ARHGAP24: variants seen among roughly 807,000 people sequenced by gnomAD.
The protein encoded by ARHGAP24 is Rho GTPase activating protein 24.
ARHGAP24 carries 50 observed loss-of-function variants against 76.4 expected under a neutral mutation model. The ratio of observed to expected loss-of-function variants is 0.65; its 90% confidence interval spans 0.52 to 0.83. ARHGAP24 has a LOEUF of 0.83. ARHGAP24 is among the 40% of genes least tolerant of loss of function. The pLI is 0.00. For missense variants in ARHGAP24, 930 were observed against 914.2 expected, an observed-to-expected ratio of 1.02 and a Z score of -0.22; for synonymous variants, 345 against 323.3, an observed-to-expected ratio of 1.07 and a Z score of -0.72.
intron 3 of ARHGAP24, among the ~76,000 whole-genome samples, chr4:85,814,886 G>C (rs1729170140): frequency 6.6e-6 from 1 of 152,166 alleles, no homozygotes; most frequent in Non-Finnish European, 1.5e-5. Context: ...CCCGACCCCT[G>C]CAACAACCTT....
chr4:85,972,309 A>T, intron 6 of ARHGAP24, 141 bp downstream of exon 6: 1 of 1,080,506 alleles, frequency 9.3e-7, no homozygotes, highest in Non-Finnish European at 1.4e-6. Context: ...ACACACTGAG[A>T]CTTTCCGTAT....
At chr4:85,716,827 G>C (rs755123214) in intron 2 of ARHGAP24, among the ~76,000 whole-genome samples, 14 of 152,100 alleles carry the variant, frequency 9.2e-5, no homozygotes, top group Admixed American at 5.2e-4. Context: ...ACTGGAATTT[G>C]GGGAAGCCGG....
intron 2 of ARHGAP24, among the ~76,000 whole-genome samples, chr4:85,610,350 G>A (rs768329834): frequency 3.3e-5 from 5 of 150,376 alleles, no homozygotes; most frequent in African/African-American, 7.4e-5. Flanking sequence ...AGGCTGAGGC[G>A]GGAGAATGGC....
intron 3 of ARHGAP24, among the ~76,000 whole-genome samples, chr4:85,743,984 T>C (rs1302853442): frequency 6.6e-6 from 1 of 152,218 alleles, no homozygotes; most frequent in African/African-American, 2.4e-5. Context: ...TTGCCTATGG[T>C]TGCCACCAAG....
intron 3 of ARHGAP24, among the ~76,000 whole-genome samples, chr4:85,894,960 CAAAAAA>C (rs540459367): frequency 5.7e-5 from 2 of 35,360 alleles, no homozygotes; most frequent in African/African-American, 1.6e-4. Context: ...GACTCCCTCT[CAAAAAA>C]AAAAAAAAAA....
intron 5 of ARHGAP24, among the ~76,000 whole-genome samples, chr4:85,953,764 G>A (rs910788422): frequency 1.3e-5 from 2 of 152,126 alleles, no homozygotes; most frequent in Non-Finnish European, 2.9e-5. Flanking sequence ...GGCAGAGGGA[G>A]ACTCATAGGC....
chr4:85,482,372 T>C (rs1373197095), intron 1 of ARHGAP24, among the ~76,000 whole-genome samples: 1 of 152,226 alleles, frequency 6.6e-6, no homozygotes, highest in African/African-American at 2.4e-5. Context: ...TATGCTTTCA[T>C]CGTGGGATAA....
At chr4:85,523,029 A>T (rs1724848916) in intron 1 of ARHGAP24, among the ~76,000 whole-genome samples, 1 of 152,150 alleles carries the variant, frequency 6.6e-6, no homozygotes, top group Non-Finnish European at 1.5e-5. Flanking sequence ...TTTGGTGGCT[A>T]ACACGCTCCC....
chr4:85,650,979 C>T (rs1013431325), intron 2 of ARHGAP24, among the ~76,000 whole-genome samples: 2 of 149,590 alleles, frequency 1.3e-5, no homozygotes, highest in South Asian at 2.1e-4. Context: ...CCTAGTTCTT[C>T]GGACAGAGTT....
chr4:85,629,125 A>G (rs952644517), intron 2 of ARHGAP24, among the ~76,000 whole-genome samples: 2 of 152,236 alleles, frequency 1.3e-5, no homozygotes, highest in Admixed American at 6.5e-5. Context: ...TTGTGAATAC[A>G]CTGCAGGATT....
At chr4:85,562,783 G>A (rs557540626) in intron 1 of ARHGAP24, among the ~76,000 whole-genome samples, 1 of 152,258 alleles carries the variant, frequency 6.6e-6, no homozygotes, top group South Asian at 2.1e-4. Context: ...GGCGTGATTG[G>A]GACAAGGAAA....
intron 3 of ARHGAP24, among the ~76,000 whole-genome samples, chr4:85,807,073 T>C (rs961266339): frequency 6.6e-6 from 1 of 152,146 alleles, no homozygotes; most frequent in Non-Finnish European, 1.5e-5. Context: ...AAATTGTGTA[T>C]TTTTAACAGT....
intron 3 of ARHGAP24, among the ~76,000 whole-genome samples, chr4:85,745,290 G>A (rs766094356): frequency 2.8e-4 from 40 of 144,668 alleles, no homozygotes; most frequent in Non-Finnish European, 3.8e-4. Context: ...AATATATACC[G>A]TAGTATATAT....
chr4:85,520,361 C>G (rs1724689909), intron 1 of ARHGAP24, among the ~76,000 whole-genome samples: 1 of 151,954 alleles, frequency 6.6e-6, no homozygotes, highest in Non-Finnish European at 1.5e-5. Flanking sequence ...CAGAAAATGC[C>G]AAAACTGAGG....
At position 85,500,407 on chromosome 4, in the gene ARHGAP24, T is replaced by C. The variant is rs144554257; in HGVS notation, c.-21+24848T>C. Among the ~76,000 whole-genome samples the C allele has an allele frequency of 3.2e-3, 485 of 152,288 alleles. 4 individuals are homozygous for C. The highest frequency in any genetic ancestry group is 0.01 in the African/African-American group (435 of 41,558). ...ATGAAATATGTCCTTGGAAAATAAT[T>C]TGAAAACTTTATTACTGAGAATACA... On this transcript the variant is annotated intron_variant, in intron 1 of 9. Coordinates refer to ENST00000395184, the MANE Select transcript of ARHGAP24 (RefSeq NM_001025616.3).
chr4:85,542,700 T>C (rs1488292115), intron 1 of ARHGAP24, among the ~76,000 whole-genome samples: 1 of 123,852 alleles, frequency 8.1e-6, no homozygotes, highest in Non-Finnish European at 1.5e-5. Context: ...ATGTATGAAA[T>C]AATTAATGAC....
chr4:85,638,552 G>C (rs1021473723), intron 2 of ARHGAP24, among the ~76,000 whole-genome samples: 2 of 152,084 alleles, frequency 1.3e-5, no homozygotes, highest in Non-Finnish European at 2.9e-5. Flanking sequence ...AATAACACAG[G>C]ACTGTATATT....
intron 3 of ARHGAP24, among the ~76,000 whole-genome samples, chr4:85,776,826 A>C (rs1727325914): frequency 6.6e-6 from 1 of 152,182 alleles, no homozygotes; most frequent in Non-Finnish European, 1.5e-5. Flanking sequence ...CTATTACCTT[A>C]CAAGGTCTTA....
intron 5 of ARHGAP24, among the ~76,000 whole-genome samples, chr4:85,961,857 TG>T (rs1262661072): frequency 2.0e-5 from 3 of 152,112 alleles, no homozygotes; most frequent in Non-Finnish European, 4.4e-5. Context: ...ATACTTCTCT[TG>T]GGAAGTCCTT....
Sources: gnomAD v4.1 joint callset for allele counts (sites outside exome capture counted in the v4.1 genomes callset) on GRCh38, gnomAD v4.1.1 for gene constraint, MANE v1.5 for transcripts, NCBI Gene and HGNC (gene_info 2026-07-23, HGNC 2026-07-21) for gene names.